RERE: variants seen among roughly 807,000 people sequenced by gnomAD.
The protein encoded by RERE is arginine-glutamic acid dipeptide repeats protein.
In RERE, 40 loss-of-function variants were observed where a neutral mutation model predicts 146.1. The ratio of observed to expected loss-of-function variants is 0.27; its 90% CI spans 0.21 to 0.36. RERE has a LOEUF of 0.36. Among genes scored for constraint, RERE ranks in the 10% least tolerant of loss-of-function variants. The pLI is 1.00. For synonymous variants in RERE, 1,003 were observed against 866.0 expected (o/e 1.16, Z -2.78); for missense variants, 1,933 against 2,138.7 (o/e 0.90, Z 1.90).
Position 8,355,043 on chromosome 1 carries a change from C to A in RERE, c.*44G>T, listed in dbSNP as rs374681544. ...TATGTAAAAAGTCCTGTTTCTCCCC[C>A]CAAGAACTGGGGTTTCCACAGCCAG... On this transcript the variant is annotated 3_prime_UTR_variant, in exon 23 of 23. Coordinates refer to ENST00000400908, the MANE Select transcript of RERE (RefSeq NM_001042681.2). The A allele has an allele frequency of 1.3e-6, 2 of 1,566,488 alleles. No individual in the cohort carries two copies. The highest frequency in any genetic ancestry group is 1.1e-5 in the South Asian group (1 of 88,802).
intron 7 of RERE, among the ~76,000 whole-genome samples, chr1:8,535,347 T>C (rs1448823763): frequency 2.0e-5 from 3 of 152,244 alleles, no homozygotes; most frequent in Middle Eastern, 6.8e-3. Flanking sequence ...CCGGCAAAAT[T>C]TGAATAGGGC....
chr1:8,358,246 G>C lies in RERE; in HGVS notation c.4289C>G (p.Ser1430Cys). Residue 1430 changes from serine to cysteine, a missense_variant, in exon 20 of 23, where the codon TCT becomes TGT. This residue lies in a region of RERE where 4 missense variants were observed against 24.9 expected (regional missense o/e 0.16). Coordinates refer to ENST00000400908, the MANE Select transcript of RERE (RefSeq NM_001042681.2). Reference sequence around the variant, plus strand: ...GAGGTGGAGGTGGGAGTGAATGTGAGAGTGCTGGTGATGGTGCGGAGTCAC... The same window carrying C: ...GAGGTGGAGGTGGGAGTGAATGTGACAGTGCTGGTGATGGTGCGGAGTCAC... Reference protein sequence around the residue: ...FNVTPHHHQHSHIHSHLHLHQ... With the variant: ...FNVTPHHHQHCHIHSHLHLHQ... The C allele has an allele frequency of 6.2e-7, 1 of 1,609,714 alleles. No homozygotes were observed. The highest frequency in any genetic ancestry group is 8.5e-7 in the Non-Finnish European group (1 of 1,176,338).
At chr1:8,541,660 T>C (rs983025068) in intron 6 of RERE, among the ~76,000 whole-genome samples, 3 of 152,148 alleles carry the variant, frequency 2.0e-5, no homozygotes, top group East Asian at 1.9e-4. Flanking sequence ...GTTTAAAGCC[T>C]TTCTAAATCA....
chr1:8,702,994 G>A (rs1016976126), intron 1 of RERE: 2 of 151,856 alleles, frequency 1.3e-5, no homozygotes, highest in African/African-American at 4.8e-5. Context: ...GCCCGCACTT[G>A]TCCAACTTTC....
At chr1:8,583,205 T>G (rs1557696918) in intron 4 of RERE, among the ~76,000 whole-genome samples, 1 of 152,186 alleles carries the variant, frequency 6.6e-6, no homozygotes, top group Non-Finnish European at 1.5e-5. Context: ...ATTGGCAGCA[T>G]AGTTTACAAA....
chr1:8,803,774 C>T lies in RERE; in HGVS notation c.-145+13386G>A, dbSNP rs191293917. Among the ~76,000 whole-genome samples, 40 of 151,760 alleles carry T rather than the reference C, an allele frequency of 2.6e-4. No homozygotes were observed. The East Asian group carries it at 6.4e-3, about 24-fold the overall frequency. On this transcript the variant is annotated intron_variant, in intron 1 of 22. Coordinates refer to ENST00000400908, the MANE Select transcript of RERE (RefSeq NM_001042681.2). The stretch of plus-strand genomic sequence containing the variant: ...ACTGGGTTTTGCCATGTTGTCCAGG[C>T]TGGTCTCAAACTCTTGGGCTCAAGT...
chr1:8,747,034 C>T (rs1470204188), intron 1 of RERE, among the ~76,000 whole-genome samples: 5 of 151,626 alleles, frequency 3.3e-5, no homozygotes, highest in Middle Eastern at 3.2e-3. Flanking sequence ...TTTTTTGAGA[C>T]GGAGTCTCGC....
chr1:8,464,464 C>G (rs549194179), intron 11 of RERE, among the ~76,000 whole-genome samples: 15 of 152,200 alleles, frequency 9.9e-5, no homozygotes, highest in African/African-American at 3.4e-4. Flanking sequence ...CCGGACTCAG[C>G]GGCCAGTGTG....
intron 12 of RERE, among the ~76,000 whole-genome samples, chr1:8,366,677 G>GCAT (rs1641814884): frequency 1.3e-5 from 2 of 152,210 alleles, no homozygotes; most frequent in Admixed American, 1.3e-4. Context: ...ACACAGTGGT[G>GCAT]CTGATGCAAA....
chr1:8,465,811 A>C, intron 11 of RERE, 114 bp downstream of exon 11: 1 of 839,752 alleles, frequency 1.2e-6, no homozygotes, highest in Non-Finnish European at 2.0e-6. Flanking sequence ...TGCCACGGAC[A>C]GCCATTCTGC....
intron 11 of RERE, 146 bp from the exon 12 acceptor site, chr1:8,422,953 C>T (rs1293208942): frequency 3.1e-6 from 2 of 644,262 alleles, no homozygotes; most frequent in Non-Finnish European, 5.5e-6. Flanking sequence ...AGTATGTCAG[C>T]AGCTCAGCTG....
At chr1:8,774,347 A>T (rs867005586) in intron 1 of RERE, among the ~76,000 whole-genome samples, 1,103 of 91,948 alleles carry the variant, frequency 0.012, 4 homozygotes, top group Non-Finnish European at 0.013. Flanking sequence ...TTGGCAAACT[A>T]TTTTTTTTTT....
chr1:8,774,376 A>G (rs962813803), intron 1 of RERE, among the ~76,000 whole-genome samples: 1 of 102,172 alleles, frequency 9.8e-6, no homozygotes, highest in Non-Finnish European at 2.0e-5. Flanking sequence ...TTTTTGCTAC[A>G]GAGTTTCGCT....
chr1:8,804,333 C>T (rs1641643024), intron 1 of RERE, among the ~76,000 whole-genome samples: 2 of 152,126 alleles, frequency 1.3e-5, no homozygotes, highest in African/African-American at 4.8e-5. Flanking sequence ...AGTGAAAATT[C>T]TATACTGGAT....
chr1:8,565,593 G>A (rs950164354), intron 4 of RERE, among the ~76,000 whole-genome samples: 3 of 152,064 alleles, frequency 2.0e-5, no homozygotes, highest in African/African-American at 7.2e-5. Flanking sequence ...TATAATCCCA[G>A]CTACTCGGGA....
intron 2 of RERE, among the ~76,000 whole-genome samples, chr1:8,639,297 T>C (rs991023663): frequency 6.6e-6 from 1 of 152,104 alleles, no homozygotes; most frequent in Non-Finnish European, 1.5e-5. Context: ...ATAATAGAAG[T>C]AAAACATATG....
intron 1 of RERE, among the ~76,000 whole-genome samples, chr1:8,688,104 G>A (rs1639130744): frequency 6.6e-6 from 1 of 152,186 alleles, no homozygotes; most frequent in Non-Finnish European, 1.5e-5. Flanking sequence ...TACGCATTCA[G>A]TGGAAAACAT....
chr1:8,732,028 C>T (rs915400416), intron 1 of RERE, among the ~76,000 whole-genome samples: 1 of 152,136 alleles, frequency 6.6e-6, no homozygotes, highest in Admixed American at 6.5e-5. Flanking sequence ...TGGTCTCGAT[C>T]TCCTGACCTC....
chr1:8,378,258 T>C (rs1353401109), intron 12 of RERE, among the ~76,000 whole-genome samples: 1 of 152,186 alleles, frequency 6.6e-6, no homozygotes, highest in Non-Finnish European at 1.5e-5. Context: ...AAGGCAAACA[T>C]CTTAGAAAAA....
Sources: gnomAD v4.1 joint callset for allele counts (sites outside exome capture counted in the v4.1 genomes callset) on GRCh38, gnomAD v4.1.1 for gene constraint, gnomAD v4.1.1 regional missense constraint, MANE v1.5 for transcripts, NCBI Gene and HGNC (gene_info 2026-07-23, HGNC 2026-07-21) for gene names.